The following GALNT13 variants were observed in gnomAD, a reference collection of about 807,000 sequenced individuals.
GALNT13 encodes the protein UDP-GalNAc:polypeptide N-acetylgalactosaminyltransferase 13.
In GALNT13, 28 loss-of-function variants were observed where a neutral mutation model predicts 64.2. That is an observed-to-expected ratio of 0.44 (90% CI 0.32 to 0.60). GALNT13 has a LOEUF of 0.60. GALNT13 is among the 20% of genes least tolerant of loss of function. GALNT13 has a pLI of 0.05. For missense variants in GALNT13, 577 were observed against 669.8 expected, an observed-to-expected ratio of 0.86 and a Z score of 1.53; for synonymous variants, 214 against 224.6, an observed-to-expected ratio of 0.95 and a Z score of 0.42.
At chr2:153,676,138 A>C in the GALNT13 span, among the ~76,000 whole-genome samples, 4 of 152,118 alleles carry the variant, frequency 2.6e-5, no homozygotes, top group Non-Finnish European at 5.9e-5. Flanking sequence ...TGAAAAAAAG[A>C]TGAAAAGAAC....
intron 3 of GALNT13, among the ~76,000 whole-genome samples, chr2:154,046,216 T>C (rs950933986): frequency 1.1e-4 from 17 of 152,112 alleles, no homozygotes; most frequent in African/African-American, 4.1e-4. Flanking sequence ...TCCTAGCTAC[T>C]TGGGAGGCTG....
At chr2:153,397,053 T>C in the GALNT13 span, among the ~76,000 whole-genome samples, 1 of 152,146 alleles carries the variant, frequency 6.6e-6, no homozygotes, top group Non-Finnish European at 1.5e-5. Context: ...ATTTTCATCC[T>C]CTAAAATACG....
the GALNT13 span, among the ~76,000 whole-genome samples, chr2:153,117,905 T>C: frequency 6.6e-6 from 1 of 152,166 alleles, no homozygotes; most frequent in Non-Finnish European, 1.5e-5. Context: ...CCGTGCCTAA[T>C]TTGTCACGAA....
At chr2:153,745,755 C>A in the GALNT13 span, among the ~76,000 whole-genome samples, 2 of 152,160 alleles carry the variant, frequency 1.3e-5, no homozygotes, top group Non-Finnish European at 2.9e-5. Flanking sequence ...TGGTCACACT[C>A]TGTCACCTGG....
the GALNT13 span, among the ~76,000 whole-genome samples, chr2:153,205,932 A>G: frequency 6.6e-6 from 1 of 152,010 alleles, no homozygotes; most frequent in African/African-American, 2.4e-5. Context: ...TTTCTTTTCT[A>G]CTATCTAATC....
the GALNT13 span, among the ~76,000 whole-genome samples, chr2:153,495,622 A>C: frequency 6.6e-6 from 1 of 152,256 alleles, no homozygotes; most frequent in African/African-American, 2.4e-5. Context: ...GATGAATCTC[A>C]AAATGCTGAT....
At chr2:153,669,808 C>A in the GALNT13 span, among the ~76,000 whole-genome samples, 1 of 152,192 alleles carries the variant, frequency 6.6e-6, no homozygotes, top group African/African-American at 2.4e-5. Context: ...GAATGGTATA[C>A]TTCTGCCCAA....
chr2:153,532,507 C>T, the GALNT13 span, among the ~76,000 whole-genome samples: 2 of 152,298 alleles, frequency 1.3e-5, no homozygotes, highest in South Asian at 4.1e-4. Context: ...TCCCCATTGT[C>T]TTGACTATTA....
In GALNT13 at chr2:153,884,783, A is replaced by G. The variant is rs569302078; in HGVS notation, c.-177+12480A>G. Reference sequence around the variant, plus strand: ...AAAATACGAATATATATATATATATATATGTGTGTGTATATATATATATGT... The same window carrying G: ...AAAATACGAATATATATATATATATGTATGTGTGTGTATATATATATATGT... On this transcript the variant is annotated intron_variant, in intron 1 of 12. Transcript: ENST00000392825. 2.8e-3 allele frequency among the ~76,000 whole-genome samples: 298 copies of G among 106,944 alleles called. 7 individuals are homozygous for G. The highest frequency in any genetic ancestry group is 5.2e-3 in the Middle Eastern group (1 of 194). The allele number at this position is 106,944 out of a possible 152,430, so 70.2% of individuals were successfully genotyped here. A position where few individuals can be genotyped will look rare whatever the true frequency, so the allele number is the denominator to read the frequency against.
At chr2:154,181,011 A>C (rs1195874585) in intron 4 of GALNT13, among the ~76,000 whole-genome samples, 2 of 152,198 alleles carry the variant, frequency 1.3e-5, no homozygotes, top group South Asian at 2.1e-4. Flanking sequence ...TCAGGATGCA[A>C]AACCTGCCAT....
At chr2:154,396,537 A>G (rs1371583814) in intron 10 of GALNT13, among the ~76,000 whole-genome samples, 1 of 152,180 alleles carries the variant, frequency 6.6e-6, no homozygotes, top group Non-Finnish European at 1.5e-5. Context: ...TGTAAGTAAC[A>G]TATTTTTGAA....
chr2:154,242,359 G>C (rs17203291), intron 5 of GALNT13, among the ~76,000 whole-genome samples, 163 bp downstream of exon 5: 9,538 of 152,022 alleles, frequency 0.063, 334 homozygotes, highest in Middle Eastern at 0.088. Context: ...TTCTCATCAA[G>C]AACCTCATTA....
chr2:153,193,159 T>C, the GALNT13 span, among the ~76,000 whole-genome samples: 4 of 151,944 alleles, frequency 2.6e-5, no homozygotes, highest in Non-Finnish European at 4.4e-5. Flanking sequence ...CGTATATTTA[T>C]TGCGGCATTA....
the GALNT13 span, among the ~76,000 whole-genome samples, chr2:153,152,489 G>A: frequency 6.6e-6 from 1 of 151,724 alleles, no homozygotes; most frequent in African/African-American, 2.4e-5. Flanking sequence ...TATCATGGGT[G>A]TTTGTTGTAC....
upstream of GALNT13, among the ~76,000 whole-genome samples, chr2:153,870,491 C>T (rs576142373): frequency 1.3e-5 from 2 of 151,774 alleles, no homozygotes; most frequent in Non-Finnish European, 2.9e-5. Flanking sequence ...CTGGAATTCA[C>T]TAGAGAGAGC....
intron 12 of GALNT13, chr2:154,446,532 A>G: frequency 6.6e-7 from 1 of 1,512,448 alleles, no homozygotes; most frequent in Non-Finnish European, 8.9e-7. Flanking sequence ...TTTGTACTTG[A>G]TTTTGTCATT....
At chr2:153,649,351 C>T in the GALNT13 span, among the ~76,000 whole-genome samples, 1 of 151,954 alleles carries the variant, frequency 6.6e-6, no homozygotes, top group African/African-American at 2.4e-5. Context: ...TGATTCTTCT[C>T]TCTTTTCTTC....
intron 3 of GALNT13, among the ~76,000 whole-genome samples, chr2:154,018,027 T>G (rs1013928604): frequency 2.6e-5 from 4 of 152,224 alleles, no homozygotes; most frequent in Non-Finnish European, 5.9e-5. Context: ...TGATTTGCCT[T>G]TAATTCACTG....
the GALNT13 span, among the ~76,000 whole-genome samples, chr2:153,083,052 C>T: frequency 6.6e-6 from 1 of 151,976 alleles, no homozygotes; most frequent in Non-Finnish European, 1.5e-5. Flanking sequence ...TGGTCTCAAA[C>T]TCCTGACCAC....
Sources: allele counts gnomAD v4.1 joint callset (sites outside exome capture counted in the v4.1 genomes callset), GRCh38; gene constraint gnomAD v4.1.1; transcripts MANE v1.5; gene names NCBI Gene and HGNC (gene_info 2026-07-23, HGNC 2026-07-21).